TMOD3: variants seen among roughly 807,000 people sequenced by gnomAD.
TMOD3 encodes tropomodulin-3.
In TMOD3, 20 loss-of-function variants were observed where a neutral mutation model predicts 39.2. The ratio of observed to expected loss-of-function variants is 0.51; its 90% CI spans 0.36 to 0.74. The LOEUF (loss-of-function observed/expected upper bound fraction) is 0.74. TMOD3 is among the 30% of genes least tolerant of loss of function. The probability of loss-of-function intolerance (pLI) is 0.00; values close to 1 mark genes in which losing one functional copy is unlikely to be tolerated. For missense variants in TMOD3, 381 were observed against 412.8 expected (o/e 0.92, Z 0.67); for synonymous variants, 143 against 145.8 (o/e 0.98, Z 0.14).
At chr15:51,860,241 A>G (rs1039700066) in intron 1 of TMOD3, 6 of 505,102 alleles carry the variant, frequency 1.2e-5, no homozygotes, top group African/African-American at 1.2e-4. Flanking sequence ...GGCAAAGTCA[A>G]ATCGCTGTGC....
At chr15:51,901,815 C>A (rs1485871615) in intron 8 of TMOD3, 77 bp from the exon 9 acceptor site, 1 of 1,430,980 alleles carries the variant, frequency 7.0e-7, no homozygotes, top group African/African-American at 1.4e-5. Context: ...TTAGCATGTG[C>A]CTGAATGTCT....
chr15:51,837,550 T>C (rs574886219), intron 1 of TMOD3, among the ~76,000 whole-genome samples: 31 of 152,208 alleles, frequency 2.0e-4, no homozygotes, highest in African/African-American at 7.2e-4. Context: ...CACCCCACTT[T>C]TGTTTTTCTC....
chr15:51,881,966 C>T lies in TMOD3; in HGVS notation c.284-5623C>T, dbSNP rs150727916. ...CTGGAGTACAGTGGCGCAATCTCAGCTCACTGCAACCTCCGCCTCCCAGGT... is the reference window on the plus strand; with the variant it reads ...CTGGAGTACAGTGGCGCAATCTCAGTTCACTGCAACCTCCGCCTCCCAGGT... On this transcript the variant is annotated intron_variant, in intron 3 of 9. Transcript: ENST00000308580. 8.5e-3 allele frequency among the ~76,000 whole-genome samples: 1,288 copies of T among 151,732 alleles called. 23 individuals are homozygous for T. The highest frequency in any genetic ancestry group is 0.03 in the African/African-American group (1,235 of 41,382).
At chr15:51,899,332 G>A (rs185174481) in intron 7 of TMOD3, among the ~76,000 whole-genome samples, 40 of 152,302 alleles carry the variant, frequency 2.6e-4, no homozygotes, top group African/African-American at 9.1e-4. Context: ...GGAATTACAT[G>A]TGACCAAAAA....
At chr15:51,831,015 T>A (rs1396468111) in intron 1 of TMOD3, among the ~76,000 whole-genome samples, 2 of 152,216 alleles carry the variant, frequency 1.3e-5, no homozygotes, top group South Asian at 4.1e-4. Flanking sequence ...TGTAGTTTGC[T>A]GATCTTTAAA....
rs2056346379 is a variant in TMOD3 at position 51,848,455 on chromosome 15, C to T, written c.-74-14356C>T. 2.0e-5 allele frequency among the ~76,000 whole-genome samples: 3 copies of T among 152,170 alleles called. No homozygotes were observed. The South Asian group carries it at 6.2e-4, about 31-fold the overall frequency. The stretch of plus-strand genomic sequence containing the variant: ...CAGCAGAGATGAAACTCAACCTTAA[C>T]ATTAAATAGAAGAGTATTTTGATGT... On this transcript the variant is annotated intron_variant, in intron 1 of 9. Transcript: ENST00000308580.
Position 51,910,002 on chromosome 15 carries a change from G to C in TMOD3, c.*1192G>C, listed in dbSNP as rs547622383. On this transcript the variant is annotated 3_prime_UTR_variant, in exon 10 of 10. Coordinates refer to ENST00000308580, the MANE Select transcript of TMOD3 (RefSeq NM_014547.5). Reference sequence around the variant, plus strand: ...TCTTTCTTGCTCAAAGTATTAAGGTGAACAATTGAATAGAGTACTGTGGTC... The same window carrying C: ...TCTTTCTTGCTCAAAGTATTAAGGTCAACAATTGAATAGAGTACTGTGGTC... The C allele has an allele frequency of 1.3e-5, 2 of 152,312 alleles. No individual in the cohort carries two copies. The highest frequency in any genetic ancestry group is 4.8e-5 in the African/African-American group (2 of 41,564). 9.4% of individuals were successfully genotyped at this position (152,312 alleles called of 1,614,324 possible).
At chr15:51,901,571 TAG>T (rs2056650357) in intron 8 of TMOD3, 1 of 162,276 alleles carries the variant, frequency 6.2e-6, no homozygotes. Context: ...TTAAAAAGTT[TAG>T]TGTGTGTGTG....
At chr15:51,872,393 CA>C (rs1257413882) in intron 3 of TMOD3, among the ~76,000 whole-genome samples, 82 of 141,692 alleles carry the variant, frequency 5.8e-4, no homozygotes, top group Admixed American at 5.7e-4. Flanking sequence ...GACCCTGTCT[CA>C]AAAAAAAAAA....
intron 1 of TMOD3, among the ~76,000 whole-genome samples, chr15:51,852,057 C>T (rs1477111754): frequency 6.6e-6 from 1 of 152,146 alleles, no homozygotes; most frequent in African/African-American, 2.4e-5. Flanking sequence ...TACCTTCTTC[C>T]TTTATTAATT....
chr15:51,856,186 C>T (rs1350879596), intron 1 of TMOD3, among the ~76,000 whole-genome samples: 1 of 152,172 alleles, frequency 6.6e-6, no homozygotes, highest in South Asian at 2.1e-4. Context: ...TAGCTTGAGC[C>T]CAGGAAGCAG....
At chr15:51,886,312 AG>A (rs1286262718) in intron 3 of TMOD3, among the ~76,000 whole-genome samples, 3 of 152,202 alleles carry the variant, frequency 2.0e-5, no homozygotes, top group African/African-American at 7.2e-5. Flanking sequence ...AGGCCAAGGC[AG>A]GCGGCTGGGA....
intron 3 of TMOD3, among the ~76,000 whole-genome samples, chr15:51,870,669 A>G (rs780069179): frequency 3.3e-5 from 5 of 152,286 alleles, no homozygotes; most frequent in Middle Eastern, 3.4e-3. Context: ...TGACTTTTCT[A>G]AAATTATCCA....
rs916624721 is a variant in TMOD3 at position 51,829,689 on chromosome 15, T to C, written c.-222T>C. The C allele has an allele frequency of 6.6e-6, 1 of 152,142 alleles. No individual in the cohort carries two copies. The highest frequency in any genetic ancestry group is 2.4e-5 in the African/African-American group (1 of 41,380). The allele number at this position is 152,142 out of a possible 1,614,324, so 9.4% of individuals were successfully genotyped here. A position where few individuals can be genotyped will look rare whatever the true frequency, so the allele number is the denominator to read the frequency against. The stretch of plus-strand genomic sequence containing the variant: ...CCACCGCACCTACAGGGCGGTCGAG[T>C]GAGGGAGCTGCTGGCGGGTGGGTCT... On this transcript the variant is annotated 5_prime_UTR_variant, in exon 1 of 10. Transcript: ENST00000308580.
intron 7 of TMOD3, among the ~76,000 whole-genome samples, chr15:51,897,510 C>T (rs1291540877): frequency 2.3e-5 from 3 of 128,804 alleles, no homozygotes; most frequent in Admixed American, 9.0e-5. Context: ...TTTGAGACAG[C>T]GTCTCACTCT....
chr15:51,902,133 T>C (rs544650368), intron 9 of TMOD3, 97 bp downstream of exon 9: 1 of 1,432,456 alleles, frequency 7.0e-7, no homozygotes, highest in South Asian at 1.3e-5. Flanking sequence ...AACAGAGAAG[T>C]TATTTGGCCT....
chr15:51,836,554 G>A (rs557855010), intron 1 of TMOD3, among the ~76,000 whole-genome samples: 13 of 151,820 alleles, frequency 8.6e-5, no homozygotes, highest in African/African-American at 1.2e-4. Context: ...GTGAAACCCC[G>A]TCTCTACTAA....
At chr15:51,893,242 C>T (rs922423792) in intron 5 of TMOD3, among the ~76,000 whole-genome samples, 3 of 124,596 alleles carry the variant, frequency 2.4e-5, no homozygotes, top group African/African-American at 9.4e-5. Flanking sequence ...TCGCAGTGAG[C>T]CAAGATCTTG....
At chr15:51,887,859 G>T in intron 4 of TMOD3, 148 bp downstream of exon 4, 2 of 927,496 alleles carry the variant, frequency 2.2e-6, no homozygotes, top group South Asian at 1.9e-5. Context: ...TATTTTACAC[G>T]GTAAAGCTGA....
Sources: allele counts gnomAD v4.1 joint callset (sites outside exome capture counted in the v4.1 genomes callset), GRCh38; gene constraint gnomAD v4.1.1; transcripts MANE v1.5; gene names NCBI Gene and HGNC (gene_info 2026-07-23, HGNC 2026-07-21).